CLIC4: variants seen among roughly 807,000 people sequenced by gnomAD.
The protein encoded by CLIC4 is CLIC family member 4.
CLIC4 carries 13 observed loss-of-function variants against 24.6 expected under a neutral mutation model. The ratio of observed to expected loss-of-function variants is 0.53; its 90% CI spans 0.34 to 0.84. The LOEUF (loss-of-function observed/expected upper bound fraction) is 0.84, where lower values mean the gene tolerates loss of function less well. Among genes scored for constraint, CLIC4 ranks in the 40% least tolerant of loss-of-function variants. The pLI is 0.01. For missense variants in CLIC4, 227 were observed against 301.7 expected (o/e 0.75, Z 1.83); for synonymous variants, 104 against 111.3 (o/e 0.93, Z 0.41).
At chr1:24,833,450 C>A (rs1639857087) in intron 4 of CLIC4, among the ~76,000 whole-genome samples, 1 of 4,684 alleles carries the variant, frequency 2.1e-4, no homozygotes, top group Admixed American at 1.6e-3. Flanking sequence ...CCCCCCTCCC[C>A]CCTCCCGGAC....
intron 1 of CLIC4, among the ~76,000 whole-genome samples, chr1:24,749,139 G>A (rs1384393250): frequency 2.0e-5 from 3 of 151,870 alleles, no homozygotes; most frequent in Admixed American, 2.0e-4. Flanking sequence ...GCTTGAACCT[G>A]GGAGGCGGTG....
chr1:24,820,857 A>G (rs1639723114), intron 3 of CLIC4, among the ~76,000 whole-genome samples: 1 of 152,202 alleles, frequency 6.6e-6, no homozygotes. Context: ...ACATTTCCTC[A>G]TATTCTCTTA....
rs1395829524 is a variant in CLIC4 at position 24,842,063 on chromosome 1, A to G, written c.*1126A>G. ...TCTCATTTCACCCCATTTACCTTGT[A>G]TAGAGGATTGTTCATTCCTTTGGGA... On this transcript the variant is annotated 3_prime_UTR_variant, in exon 6 of 6. Coordinates refer to ENST00000374379, the MANE Select transcript of CLIC4 (RefSeq NM_013943.3). 2 of 152,582 alleles carry G rather than the reference A, an allele frequency of 1.3e-5. No homozygotes were observed. The highest frequency in any genetic ancestry group is 4.8e-5 in the African/African-American group (2 of 41,452). The allele number at this position is 152,582 out of a possible 1,614,324, so 9.5% of individuals were successfully genotyped here.
intron 2 of CLIC4, among the ~76,000 whole-genome samples, chr1:24,800,344 G>T (rs1639470793): frequency 1.6e-5 from 2 of 122,590 alleles, no homozygotes; most frequent in Non-Finnish European, 3.5e-5. Context: ...GGAGGGAGGT[G>T]GGGGGGTCAG....
intron 3 of CLIC4, among the ~76,000 whole-genome samples, chr1:24,814,965 T>C (rs1162277741): frequency 6.6e-6 from 1 of 152,186 alleles, no homozygotes; most frequent in Non-Finnish European, 1.5e-5. Flanking sequence ...AATGGGATTA[T>C]TGAGATGGAG....
In CLIC4 at chr1:24,745,549, C is replaced by T; in HGVS notation, c.-5C>T. 1 of 1,584,034 alleles carries T rather than the reference C, an allele frequency of 6.3e-7. No homozygotes were observed. Among genetic ancestry groups the T allele is most frequent in the Non-Finnish European group, 8.6e-7 (1 of 1,168,482 alleles). The stretch of plus-strand genomic sequence containing the variant: ...CGCCGTTCGCGGAGCGCAGCCGAGC[C>T]GGCCATGGCGTTGTCGATGCCGCTG... On this transcript the variant is annotated 5_prime_UTR_variant, in exon 1 of 6. Coordinates refer to ENST00000374379, the MANE Select transcript of CLIC4 (RefSeq NM_013943.3).
chr1:24,788,817 C>G (rs1358193479), intron 1 of CLIC4, among the ~76,000 whole-genome samples: 1 of 152,216 alleles, frequency 6.6e-6, no homozygotes, highest in Non-Finnish European at 1.5e-5. Flanking sequence ...CTAGCAGGCA[C>G]TGAGAAGAAA....
chr1:24,749,298 TAACCTG>T (rs1214919540), intron 1 of CLIC4, among the ~76,000 whole-genome samples: 1 of 152,034 alleles, frequency 6.6e-6, no homozygotes, highest in African/African-American at 2.4e-5. Flanking sequence ...TGAACAGTGT[TAACCTG>T]CCAAGAGGTA....
chr1:24,778,036 C>T (rs895178980), intron 1 of CLIC4: 1 of 152,132 alleles, frequency 6.6e-6, no homozygotes, highest in Non-Finnish European at 1.5e-5. Context: ...TTGTGGCCTA[C>T]ATTATATTGG....
chr1:24,774,430 G>T (rs911491504), intron 1 of CLIC4, among the ~76,000 whole-genome samples: 4 of 152,152 alleles, frequency 2.6e-5, no homozygotes, highest in African/African-American at 7.2e-5. Flanking sequence ...ATTCTTTAAA[G>T]ATGGTTTTGT....
At chr1:24,819,678 A>T (rs1225850953) in intron 3 of CLIC4, among the ~76,000 whole-genome samples, 1 of 151,574 alleles carries the variant, frequency 6.6e-6, no homozygotes, top group East Asian at 1.9e-4. Flanking sequence ...ACCTCAGGTG[A>T]TCCACCCGCC....
intron 1 of CLIC4, among the ~76,000 whole-genome samples, chr1:24,758,504 C>T (rs1165627627): frequency 2.0e-5 from 3 of 151,860 alleles, no homozygotes; most frequent in Admixed American, 2.0e-4. Flanking sequence ...GTCACCCAGG[C>T]TGGGGTGCAC....
intron 1 of CLIC4, among the ~76,000 whole-genome samples, chr1:24,796,629 C>G (rs914252954): frequency 6.6e-6 from 1 of 152,194 alleles, no homozygotes; most frequent in Admixed American, 6.5e-5. Context: ...ATAGGCTATA[C>G]CATGTAGACT....
intron 1 of CLIC4, among the ~76,000 whole-genome samples, chr1:24,755,004 G>A (rs1212142805): frequency 6.6e-6 from 1 of 151,060 alleles, no homozygotes; most frequent in African/African-American, 2.4e-5. Flanking sequence ...CCTGGGAGGC[G>A]GAGGTTGCAG....
intron 1 of CLIC4, among the ~76,000 whole-genome samples, chr1:24,791,949 T>C (rs956727013): frequency 6.6e-6 from 1 of 150,784 alleles, no homozygotes; most frequent in African/African-American, 2.4e-5. Flanking sequence ...CTCGGGAGGC[T>C]GAGGCAGGAG....
At chr1:24,780,750 C>A (rs141873562) in intron 1 of CLIC4, among the ~76,000 whole-genome samples, 24 of 152,282 alleles carry the variant, frequency 1.6e-4, no homozygotes, top group Middle Eastern at 3.4e-3. Flanking sequence ...ACAAGATCGT[C>A]TAATAAGTTG....
At chr1:24,769,788 G>T (rs1410985701) in intron 1 of CLIC4, among the ~76,000 whole-genome samples, 1 of 151,974 alleles carries the variant, frequency 6.6e-6, no homozygotes, top group Non-Finnish European at 1.5e-5. Flanking sequence ...CATTTTGGGG[G>T]CCTGGTTAAT....
At chr1:24,826,823 C>T (rs1327521355) in intron 3 of CLIC4, among the ~76,000 whole-genome samples, 187 bp from the exon 4 acceptor site, 1 of 152,198 alleles carries the variant, frequency 6.6e-6, no homozygotes, top group Non-Finnish European at 1.5e-5. Context: ...TGAACAAAAA[C>T]ATAGTGCAGA....
chr1:24,844,107 C>G lies in CLIC4; in HGVS notation c.*3170C>G, dbSNP rs1014237885. On this transcript the variant is annotated 3_prime_UTR_variant, in exon 6 of 6. Transcript: ENST00000374379. ...ATGGAAAAATTTCAACTCCTCAAGC[C>G]GTAATGTTGAACAGAATTGGAGTAT... 6.6e-6 allele frequency: 1 copy of G among 152,504 alleles called. No individual in the cohort carries two copies. Among genetic ancestry groups the G allele is most frequent in the Non-Finnish European group, 1.5e-5 (1 of 68,002 alleles). 9.4% of individuals were successfully genotyped at this position (152,504 alleles called of 1,614,324 possible). A position where few individuals can be genotyped will look rare whatever the true frequency, so the allele number is the denominator to read the frequency against.
Sources: allele counts gnomAD v4.1 joint callset (sites outside exome capture counted in the v4.1 genomes callset), GRCh38; gene constraint gnomAD v4.1.1; transcripts MANE v1.5; gene names NCBI Gene and HGNC (gene_info 2026-07-23, HGNC 2026-07-21).